Variants in PROK2 observed in about 807,000 individuals in gnomAD.
The protein encoded by PROK2 is prokineticin 2, also known as prokineticin-2.
A neutral mutation model predicts 14.2 loss-of-function variants in PROK2; 8 were observed. That is an observed-to-expected ratio of 0.56 (90% CI 0.33 to 1.02). PROK2 has a LOEUF of 1.02. Among genes scored for constraint, PROK2 ranks in the 50% least tolerant of loss-of-function variants. PROK2 has a pLI of 0.03. For synonymous variants in PROK2, 59 were observed against 60.7 expected, an observed-to-expected ratio of 0.97 and a Z score of 0.13; for missense variants, 154 against 160.4, an observed-to-expected ratio of 0.96 and a Z score of 0.22.
intron 3 of PROK2, among the ~76,000 whole-genome samples, chr3:71,773,392 C>T (rs897003905): frequency 1.3e-5 from 2 of 152,170 alleles, no homozygotes; most frequent in African/African-American, 2.4e-5. Context: ...CAAAGAGAGA[C>T]TGGTATATTG....
At chr3:71,784,924 T>G (rs2050200249) in intron 1 of PROK2, 33 bp downstream of exon 1, 2 of 1,228,818 alleles carry the variant, frequency 1.6e-6, no homozygotes, top group Non-Finnish European at 2.0e-6. Context: ...CAGGCGCGCA[T>G]CAGGGGCAGA....
In PROK2 at chr3:71,772,089, ACTC is replaced by A. The variant is rs2050083796; in HGVS notation, c.*632_*634del. On this transcript the variant is annotated 3_prime_UTR_variant, in exon 4 of 4. Transcript: ENST00000295619. ...ACAGGTTTAGGAAGGGTCCAGCAGC[ACTC>A]CTAGCTTCCGTGCCATGACAGGAGT... 1 of 153,268 alleles carries A rather than the reference ACTC, an allele frequency of 6.5e-6. No individual in the cohort carries two copies. The highest frequency in any genetic ancestry group is 6.5e-5 in the Admixed American group (1 of 15,360). 9.5% of individuals were successfully genotyped at this position (153,268 alleles called of 1,614,324 possible). A position where few individuals can be genotyped will look rare whatever the true frequency, so the allele number is the denominator to read the frequency against.
In PROK2 at chr3:71,774,342, G is replaced by A. The variant is rs3796225; in HGVS notation, c.285+103C>T. The A allele has an allele frequency of 7.8e-5, 120 of 1,534,168 alleles. 2 individuals are homozygous for A. In the East Asian group the frequency reaches 2.9e-3, roughly 37 times the overall value. ...AGAACCATTCTAATCTTATGTTGGG[G>A]CTGAACTGATAGGACAGACCCAACT... On this transcript the variant is annotated intron_variant, in intron 3 of 3. Coordinates refer to ENST00000295619, the MANE Select transcript of PROK2 (RefSeq NM_001126128.2).
chr3:71,772,257 G>A lies in PROK2; in HGVS notation c.*467C>T, dbSNP rs952071366. ...AATGCAAGAGGAGGGAAGAGAAATGGACAAAAATAAAGTAAGGTAAGAGCC... is the reference window on the plus strand; with the variant it reads ...AATGCAAGAGGAGGGAAGAGAAATGAACAAAAATAAAGTAAGGTAAGAGCC... On this transcript the variant is annotated 3_prime_UTR_variant, in exon 4 of 4. Transcript: ENST00000295619. The A allele has an allele frequency of 6.2e-6, 1 of 161,394 alleles. No homozygotes were observed. The highest frequency in any genetic ancestry group is 1.6e-4 in the South Asian group (1 of 6,206). 10.0% of individuals were successfully genotyped at this position (161,394 alleles called of 1,614,324 possible).
At chr3:71,778,196 CA>C (rs1390545132) in intron 2 of PROK2, among the ~76,000 whole-genome samples, 2 of 148,716 alleles carry the variant, frequency 1.3e-5, no homozygotes, top group Non-Finnish European at 3.0e-5. Flanking sequence ...GACTCTGTCT[CA>C]AAAAAATAAA....
At chr3:71,775,896 AGGAAC>A (rs1201833446) in intron 2 of PROK2, among the ~76,000 whole-genome samples, 1 of 152,174 alleles carries the variant, frequency 6.6e-6, no homozygotes, top group African/African-American at 2.4e-5. Flanking sequence ...CACAGAGTCT[AGGAAC>A]TCCCCGAAGG....
chr3:71,784,694 T>A (rs2050197423), intron 1 of PROK2, among the ~76,000 whole-genome samples: 1 of 152,144 alleles, frequency 6.6e-6, no homozygotes. Flanking sequence ...GAGGGAGAAG[T>A]AAGCGGGAGA....
intron 2 of PROK2, among the ~76,000 whole-genome samples, chr3:71,774,874 T>C (rs2050106274): frequency 6.6e-6 from 1 of 152,156 alleles, no homozygotes; most frequent in East Asian, 1.9e-4. Context: ...ACGACCTTTA[T>C]AGCCCATTCT....
rs371322046 is a variant in PROK2, at chr3:71,784,868, T to C, written c.96+89A>G. ...CCCAGGGCGACCCTCCCTTTGCCTC[T>C]AGCCTGCCCTTCAGGGTCCCCGTCC... is the stretch of plus-strand genomic sequence containing the variant. On this transcript the variant is annotated intron_variant, in intron 1 of 3. Transcript: ENST00000295619. 63 of 1,114,620 alleles carry C rather than the reference T, an allele frequency of 5.7e-5. 1 individual carries two copies. The African/African-American group carries it at 8.1e-4, about 14-fold the overall frequency. 69.0% of individuals were successfully genotyped at this position (1,114,620 alleles called of 1,614,324 possible).
At chr3:71,781,885 G>A (rs539969142) in intron 1 of PROK2, among the ~76,000 whole-genome samples, 42 of 151,894 alleles carry the variant, frequency 2.8e-4, no homozygotes, top group South Asian at 2.1e-3. Flanking sequence ...TTTTTCCAGT[G>A]CTTTATGGCT....
At chr3:71,775,911 G>A (rs1284549462) in intron 2 of PROK2, among the ~76,000 whole-genome samples, 1 of 152,052 alleles carries the variant, frequency 6.6e-6, no homozygotes, top group Non-Finnish European at 1.5e-5. Context: ...CTCCCCGAAG[G>A]GCAGAAGATG....
intron 2 of PROK2, among the ~76,000 whole-genome samples, chr3:71,781,037 G>A (rs929505553): frequency 2.0e-5 from 3 of 152,028 alleles, no homozygotes; most frequent in Non-Finnish European, 4.4e-5. Flanking sequence ...TTGTATAATC[G>A]ATTTTCTAAA....
chr3:71,784,727 C>T (rs914150816), intron 1 of PROK2, among the ~76,000 whole-genome samples: 1 of 152,180 alleles, frequency 6.6e-6, no homozygotes, highest in African/African-American at 2.4e-5. Flanking sequence ...AGGTGGTGGG[C>T]GACATCCTTG....
At chr3:71,775,435 C>A (rs114738857) in intron 2 of PROK2, among the ~76,000 whole-genome samples, 1 of 152,190 alleles carries the variant, frequency 6.6e-6, no homozygotes, top group Non-Finnish European at 1.5e-5. Context: ...CTGGTGCTCA[C>A]AGCCTTGTGC....
At chr3:71,773,002 CAG>C (rs1219826561) in intron 3 of PROK2, among the ~76,000 whole-genome samples, 174 bp from the exon 4 acceptor site, 7 of 152,304 alleles carry the variant, frequency 4.6e-5, no homozygotes, top group African/African-American at 1.4e-4. Flanking sequence ...GTTTTTGAGA[CAG>C]AGTCTTGCTC....
chr3:71,775,139 T>C lies in PROK2; in HGVS notation c.223-632A>G, dbSNP rs1184428828. Among the ~76,000 whole-genome samples the C allele has an allele frequency of 2.6e-5, 4 of 152,176 alleles. No homozygotes were observed. The East Asian group carries it at 7.7e-4, about 29-fold the overall frequency. ...ATTATCTGGCCCAAGACATCAATAG[T>C]GCTGAGGTTGAGAAAAACAAACACA... On this transcript the variant is annotated intron_variant, in intron 2 of 3. Coordinates refer to ENST00000295619, the MANE Select transcript of PROK2 (RefSeq NM_001126128.2).
At chr3:71,780,982 G>T (rs192597733) in intron 2 of PROK2, among the ~76,000 whole-genome samples, 22 of 152,208 alleles carry the variant, frequency 1.4e-4, no homozygotes, top group African/African-American at 5.3e-4. Context: ...GTGTCCTGTA[G>T]GTAGAGTCAA....
intron 2 of PROK2, among the ~76,000 whole-genome samples, chr3:71,780,635 T>G (rs35971163): frequency 0.11 from 16,889 of 152,168 alleles, 1,378 homozygotes; most frequent in South Asian, 0.34. Context: ...AGGAAGGCAA[T>G]GCAACCTGGC....
chr3:71,779,371 C>A (rs1056498188), intron 2 of PROK2, among the ~76,000 whole-genome samples: 3 of 152,194 alleles, frequency 2.0e-5, no homozygotes, highest in African/African-American at 7.2e-5. Context: ...GTTGCTGAAC[C>A]CCTCTGGGGC....
Sources: gnomAD v4.1 joint callset for allele counts (sites outside exome capture counted in the v4.1 genomes callset) on GRCh38, gnomAD v4.1.1 for gene constraint, MANE v1.5 for transcripts, NCBI Gene and HGNC (gene_info 2026-07-23, HGNC 2026-07-21) for gene names.